Variants in HPSE2 observed in about 807,000 individuals in gnomAD.
HPSE2 encodes heparanase 2 (inactive).
Under a neutral mutation model 60.5 loss-of-function variants are expected in HPSE2, and 38 were observed. The ratio of observed to expected loss-of-function variants is 0.63; its 90% CI spans 0.48 to 0.82. HPSE2 has a LOEUF of 0.82. Among genes scored for constraint, HPSE2 ranks in the 40% least tolerant of loss-of-function variants. The pLI, the probability that HPSE2 is intolerant of heterozygous loss-of-function variation, is 0.00. For missense variants in HPSE2, 713 were observed against 740.4 expected, an observed-to-expected ratio of 0.96 and a Z score of 0.43; for synonymous variants, 295 against 293.2, an observed-to-expected ratio of 1.01 and a Z score of -0.06.
chr10:99,102,067 T>C (rs905076440), intron 3 of HPSE2, among the ~76,000 whole-genome samples: 4 of 151,158 alleles, frequency 2.6e-5, no homozygotes, highest in African/African-American at 4.8e-5. Flanking sequence ...ACATCACAAT[T>C]AGAACTAGAG....
At chr10:98,750,427 A>G (rs983769279) in intron 3 of HPSE2, among the ~76,000 whole-genome samples, 1 of 152,158 alleles carries the variant, frequency 6.6e-6, no homozygotes, top group African/African-American at 2.4e-5. Flanking sequence ...GACCCAACTC[A>G]CACTGTGAAA....
At chr10:98,756,572 T>C (rs1042488370) in intron 3 of HPSE2, among the ~76,000 whole-genome samples, 2 of 151,858 alleles carry the variant, frequency 1.3e-5, no homozygotes, top group East Asian at 3.9e-4. Flanking sequence ...CTAGGAAACC[T>C]AACCAGGATA....
intron 11 of HPSE2, among the ~76,000 whole-genome samples, chr10:98,481,747 CTGTTGGAG>C (rs1179442186): frequency 6.6e-6 from 1 of 152,188 alleles, no homozygotes; most frequent in Non-Finnish European, 1.5e-5. Flanking sequence ...TTGTGGGCAG[CTGTTGGAG>C]TGCAAGCCAC....
At chr10:99,294,899 T>TC in the HPSE2 span, among the ~76,000 whole-genome samples, 5 of 152,120 alleles carry the variant, frequency 3.3e-5, no homozygotes, top group Admixed American at 6.5e-5. Context: ...GAGGTTGCAG[T>TC]GAGTCGAGAT....
At chr10:99,184,815 TATATAGAGAGAGAGAG>T (rs1393284295) in intron 2 of HPSE2, among the ~76,000 whole-genome samples, 30 of 28,642 alleles carry the variant, frequency 1.0e-3, no homozygotes, top group African/African-American at 2.5e-3. Flanking sequence ...TATATATATA[TATATAGAGAGAGAGAG>T]AGAGAGAGAG....
In HPSE2 at chr10:98,614,949, G is replaced by A. The variant is rs768838825; in HGVS notation, c.1275C>T (p.Asp425=). Residue 425 remains aspartate (D), a synonymous_variant, in exon 9 of 12, where the codon GAC becomes GAT. Transcript: ENST00000370552. ...GGTCCACGAGGTGATTGTATCCATG[G>A]TCAAAAAATGAGTGCCGTATCACGA... is the stretch of plus-strand genomic sequence containing the variant. ...IDVVIRHSFF[D]HGYNHLVDQN... 6.2e-7 allele frequency: 1 copy of A among 1,613,898 alleles called. No homozygotes were observed. Among genetic ancestry groups the A allele is most frequent in the Non-Finnish European group, 8.5e-7 (1 of 1,179,948 alleles).
intron 10 of HPSE2, among the ~76,000 whole-genome samples, chr10:98,487,868 A>G (rs755494898): frequency 1.6e-4 from 25 of 152,228 alleles, no homozygotes; most frequent in Non-Finnish European, 2.8e-4. Flanking sequence ...TACTTCTTCT[A>G]CCTTTGAGCT....
At chr10:99,262,730 G>A in the HPSE2 span, among the ~76,000 whole-genome samples, 1 of 152,020 alleles carries the variant, frequency 6.6e-6, no homozygotes, top group African/African-American at 2.4e-5. Context: ...CAGGATCTGT[G>A]CCTTATCAAC....
At chr10:98,675,539 T>TACACAC (rs774393556) in intron 6 of HPSE2, among the ~76,000 whole-genome samples, 6,042 of 121,506 alleles carry the variant, frequency 0.05, 220 homozygotes, top group African/African-American at 0.096. Flanking sequence ...GATCCCTGTC[T>TACACAC]ACACACACAC....
intron 3 of HPSE2, among the ~76,000 whole-genome samples, chr10:98,836,584 A>G (rs1951795558): frequency 6.6e-6 from 1 of 152,188 alleles, no homozygotes; most frequent in Non-Finnish European, 1.5e-5. Flanking sequence ...CAAGTCTGAA[A>G]TGTGTAGAAC....
At chr10:99,114,083 A>C (rs1411020339) in intron 3 of HPSE2, among the ~76,000 whole-genome samples, 2 of 114,100 alleles carry the variant, frequency 1.8e-5, no homozygotes, top group African/African-American at 4.9e-5. Flanking sequence ...TCAATTAGGA[A>C]AAATTTCCAC....
intron 3 of HPSE2, among the ~76,000 whole-genome samples, chr10:98,796,486 G>A (rs903249717): frequency 6.6e-5 from 10 of 152,194 alleles, no homozygotes; most frequent in Admixed American, 6.5e-4. Flanking sequence ...ATTGTGGTGT[G>A]AGTGCCAGCT....
rs546361652 is a variant in HPSE2, at chr10:98,528,730, C to T, written c.1321-38534G>A. Among the ~76,000 whole-genome samples the T allele has an allele frequency of 1.8e-3, 273 of 152,284 alleles. 1 individual carries two copies. Among genetic ancestry groups the T allele is most frequent in the South Asian group, 7.7e-3 (37 of 4,824 alleles). On this transcript the variant is annotated intron_variant, in intron 9 of 11. Coordinates refer to ENST00000370552, the MANE Select transcript of HPSE2 (RefSeq NM_021828.5). ...GTGTCAGCCGGAAGGGCAGCCTTTC[C>T]GAGGGAAGTGCTGTGCATTCATTAG...
At chr10:98,689,795 G>T (rs1156690851) in intron 6 of HPSE2, among the ~76,000 whole-genome samples, 1 of 152,100 alleles carries the variant, frequency 6.6e-6, no homozygotes, top group Admixed American at 6.5e-5. Context: ...TGATTTTTTT[G>T]GACAAGTCTG....
At chr10:98,596,812 T>C (rs1945252115) in intron 9 of HPSE2, among the ~76,000 whole-genome samples, 1 of 152,214 alleles carries the variant, frequency 6.6e-6, no homozygotes, top group Admixed American at 6.5e-5. Flanking sequence ...GACAATTTAA[T>C]TATAATATAT....
chr10:98,733,872 A>T lies in HPSE2; in HGVS notation c.784+10011T>A, dbSNP rs573927976. ...AAATAGCTTCATTGAGATATAAAACACATACAATTCACCAATTTCATGTGT... is the reference window on the plus strand; with the variant it reads ...AAATAGCTTCATTGAGATATAAAACTCATACAATTCACCAATTTCATGTGT... On this transcript the variant is annotated intron_variant, in intron 4 of 11. Coordinates refer to ENST00000370552, the MANE Select transcript of HPSE2 (RefSeq NM_021828.5). 1.1e-4 allele frequency among the ~76,000 whole-genome samples: 17 copies of T among 152,348 alleles called. No homozygotes were observed. In the South Asian group the frequency reaches 3.3e-3, roughly 30 times the overall value.
At chr10:98,527,950 T>C (rs1241702074) in intron 9 of HPSE2, among the ~76,000 whole-genome samples, 1 of 152,180 alleles carries the variant, frequency 6.6e-6, no homozygotes, top group Non-Finnish European at 1.5e-5. Flanking sequence ...GAACTATGTA[T>C]TTTAAGCCCC....
Position 98,671,860 on chromosome 10 carries a change from C to G in HPSE2, c.1004+22040G>C, listed in dbSNP as rs147365362. Reference sequence around the variant, plus strand: ...CCCCAGGGAGAAAAAATTGCATTAGCTTGGAGGAGCACAGTGTGGAAAAAT... The same window carrying G: ...CCCCAGGGAGAAAAAATTGCATTAGGTTGGAGGAGCACAGTGTGGAAAAAT... On this transcript the variant is annotated intron_variant, in intron 6 of 11. Transcript: ENST00000370552. 2.0e-4 allele frequency among the ~76,000 whole-genome samples: 30 copies of G among 152,242 alleles called. No homozygotes were observed. In the South Asian group the frequency reaches 4.8e-3, roughly 24 times the overall value.
intron 9 of HPSE2, among the ~76,000 whole-genome samples, chr10:98,597,599 A>G (rs1273073401): frequency 2.0e-5 from 3 of 151,402 alleles, no homozygotes; most frequent in African/African-American, 7.3e-5. Context: ...TGAACCCAGG[A>G]GGCAGAGGTT....
Sources: allele counts gnomAD v4.1 joint callset (sites outside exome capture counted in the v4.1 genomes callset), GRCh38; gene constraint gnomAD v4.1.1; transcripts MANE v1.5; gene names NCBI Gene and HGNC (gene_info 2026-07-23, HGNC 2026-07-21).